The following FLT4 variants were observed in gnomAD, a reference collection of about 807,000 sequenced individuals.
FLT4 encodes the protein fms related receptor tyrosine kinase 4, also known as vascular endothelial growth factor receptor 3.
A neutral mutation model predicts 163.2 loss-of-function variants in FLT4; 30 were observed. The ratio of observed to expected loss-of-function variants is 0.18; its 90% CI spans 0.14 to 0.25. The LOEUF (loss-of-function observed/expected upper bound fraction) is 0.25, where lower values mean the gene tolerates loss of function less well. Ranked by LOEUF, FLT4 falls within the 10% of genes least tolerant of loss-of-function variation. The probability of loss-of-function intolerance (pLI) is 1.00; values close to 1 mark genes in which losing one functional copy is unlikely to be tolerated. For synonymous variants in FLT4, 884 were observed against 789.5 expected (o/e 1.12, Z -2.01); for missense variants, 1,510 against 1,863.8 (o/e 0.81, Z 3.50).
At chr5:180,608,174 G>GTAGA (rs1409660220) in intron 29 of FLT4, 1 of 700,082 alleles carries the variant, frequency 1.4e-6, no homozygotes, top group South Asian at 1.5e-5. Context: ...GAAGTTTGTA[G>GTAGA]TAGATAGCAG....
Position 180,622,843 on chromosome 5 carries a change from G to T in FLT4, c.1549-4C>A. 6.3e-7 allele frequency: 1 copy of T among 1,597,524 alleles called. No homozygotes were observed. Among genetic ancestry groups the T allele is most frequent in the Non-Finnish European group, 8.6e-7 (1 of 1,165,542 alleles). ...GGATCACCAGCTTGCTCACAGTCTGGGAGAGCACAGGCACAAGGATCCATT... is the reference window on the plus strand; with the variant it reads ...GGATCACCAGCTTGCTCACAGTCTGTGAGAGCACAGGCACAAGGATCCATT... On this transcript the variant is annotated splice_polypyrimidine_tract_variant and splice_region_variant and intron_variant, in intron 11 of 29. Transcript: ENST00000261937.
At chr5:180,626,973 T>C (rs952099935) in intron 8 of FLT4, among the ~76,000 whole-genome samples, 5 of 152,174 alleles carry the variant, frequency 3.3e-5, no homozygotes, top group African/African-American at 1.2e-4. Flanking sequence ...GCTGTGTCTG[T>C]TTGCCCATCG....
rs199942873 is a variant in FLT4, at chr5:180,629,291, C to T, written c.953G>A (p.Arg318Gln). The T allele has an allele frequency of 5.0e-6, 8 of 1,613,266 alleles. No individual in the cohort carries two copies. The highest frequency in any genetic ancestry group is 4.5e-5 in the East Asian group (2 of 44,882). The change falls in exon 7 of 30, where the codon CGA (arginine) becomes CAA (glutamine). Residue 318 changes from arginine to glutamine, a missense_variant. Transcript: ENST00000261937. ...AATGACCTCGGTGCTCTCCCGAAAT[C>T]GCTGGATGCCGTTGTTGGCCTTGCA... ...YVCKANNGIQRFRESTEVIVH... is the reference protein window; with the variant it reads ...YVCKANNGIQQFRESTEVIVH...
intron 1 of FLT4, among the ~76,000 whole-genome samples, chr5:180,632,096 C>T (rs918000438): frequency 6.6e-5 from 10 of 152,266 alleles, no homozygotes; most frequent in South Asian, 2.1e-4. Flanking sequence ...CATGAAGGAG[C>T]GGGGGAGGGG....
intron 23 of FLT4, among the ~76,000 whole-genome samples, chr5:180,615,576 T>TGCCCCAAGATGCCTAAGGTGGGGGGTGG (rs1762608623): frequency 1.5e-4 from 13 of 86,640 alleles, no homozygotes; most frequent in East Asian, 7.7e-4. Flanking sequence ...TCCACTTCCT[T>TGCCCCAAGATGCCTAAGGTGGGGGGTGG]TCGGAGCACT....
chr5:180,612,971 T>A, intron 25 of FLT4, 40 bp downstream of exon 25: 3 of 1,523,252 alleles, frequency 2.0e-6, no homozygotes, highest in Non-Finnish European at 2.7e-6. Flanking sequence ...CCCCCGACGC[T>A]TGCTGTCCCC....
chr5:180,606,417 C>T (rs575191151), intron 29 of FLT4, among the ~76,000 whole-genome samples: 27 of 152,284 alleles, frequency 1.8e-4, no homozygotes, highest in African/African-American at 5.8e-4. Context: ...CCAAGGACCT[C>T]GTCACACTCT....
chr5:180,616,692 G>A (rs1311980640), intron 22 of FLT4, among the ~76,000 whole-genome samples: 1 of 152,212 alleles, frequency 6.6e-6, no homozygotes, highest in Non-Finnish European at 1.5e-5. Context: ...AGAGAAAGTT[G>A]TGGAGTCAAA....
At chr5:180,622,952 T>C (rs1236614837) in intron 11 of FLT4, 113 bp from the exon 12 acceptor site, 8 of 756,644 alleles carry the variant, frequency 1.1e-5, no homozygotes, top group South Asian at 2.9e-5. Context: ...TGGGGGAAAC[T>C]GAGGCTTTGG....
chr5:180,612,642 T>C (rs1373291038), intron 25 of FLT4, 31 bp from the exon 26 acceptor site: 1 of 1,523,986 alleles, frequency 6.6e-7, no homozygotes, highest in Non-Finnish European at 9.1e-7. Flanking sequence ...CTGGACTGCA[T>C]GCACCCCACC....
intron 8 of FLT4, among the ~76,000 whole-genome samples, chr5:180,628,254 T>G (rs1215252302): frequency 6.6e-6 from 1 of 152,046 alleles, no homozygotes; most frequent in Non-Finnish European, 1.5e-5. Flanking sequence ...CCTGAGGACG[T>G]GTTTGTGAGG....
In FLT4 at chr5:180,629,810, C is replaced by T. The variant is rs1763943107; in HGVS notation, c.702G>A (p.Leu234=). ...GCAGCTCCAGCGACTTCCTGGGCAA[C>T]AGCTGGATGTCATAGAGCTCGTTGC... The part of the protein sequence containing the change: ...ITGNELYDIQ[L]LPRKSLELLV... The change falls in exon 6 of 30, where the codon CTG becomes CTA. Residue 234 remains leucine (L), a synonymous_variant. Coordinates refer to ENST00000261937, the MANE Select transcript of FLT4 (RefSeq NM_182925.5). The T allele has an allele frequency of 1.9e-6, 3 of 1,612,494 alleles. No homozygotes were observed. The highest frequency in any genetic ancestry group is 2.2e-5 in the South Asian group (2 of 90,996).
intron 29 of FLT4, among the ~76,000 whole-genome samples, chr5:180,604,973 T>C (rs931351954): frequency 1.3e-5 from 2 of 152,184 alleles, no homozygotes; most frequent in Non-Finnish European, 2.9e-5. Context: ...CGGGTTTTTT[T>C]CCCCCAAAAT....
In FLT4 at chr5:180,620,305, C is replaced by T. The variant is rs201830193; in HGVS notation, c.2410G>A (p.Ala804Thr). The change falls in exon 17 of 30, where the codon GCC becomes ACC. Residue 804 changes from alanine (A) to threonine (T), a missense_variant. This residue lies in a region of FLT4 where 878 missense variants were observed against 1,016.7 expected (regional missense o/e 0.86). Coordinates refer to ENST00000261937, the MANE Select transcript of FLT4 (RefSeq NM_182925.5). This position sits in a 1 kb window ranked among gnomAD's most constrained non-coding sequence, Gnocchi z 4.4. ...LLIFCNMRRP[A>T]HADIKTGYLS... ...TAGCCCGTCTTGATGTCTGCGTGGG[C>T]CGGCTGCGGGGAGGGGACAGGGAGG... is the stretch of plus-strand genomic sequence containing the variant. 31 of 1,611,330 alleles carry T rather than the reference C, an allele frequency of 1.9e-5. No homozygotes were observed. The East Asian group carries it at 6.5e-4, about 34-fold the overall frequency.
At chr5:180,648,107 A>T (rs1191814019) in intron 1 of FLT4, among the ~76,000 whole-genome samples, 1 of 152,124 alleles carries the variant, frequency 6.6e-6, no homozygotes, top group East Asian at 1.9e-4. Context: ...CCCATTCTAC[A>T]GCCCTGCAGT....
chr5:180,621,370 C>T (rs1763128082), intron 13 of FLT4, 118 bp from the exon 14 acceptor site: 2 of 1,411,578 alleles, frequency 1.4e-6, no homozygotes, highest in Admixed American at 2.4e-5. Flanking sequence ...GGTTGTGCGC[C>T]GGGCAGGAGC....
In FLT4 at chr5:180,610,042, G is replaced by C. The variant is rs555429852; in HGVS notation, c.3687-17C>G. 11 of 1,613,860 alleles carry C rather than the reference G, an allele frequency of 6.8e-6. No individual in the cohort carries two copies. In the African/African-American group the frequency reaches 1.5e-4, roughly 22 times the overall value. On this transcript the variant is annotated splice_polypyrimidine_tract_variant and intron_variant, in intron 27 of 29. Transcript: ENST00000261937. Reference sequence around the variant, plus strand: ...TTGTAATACCTGTGGGGAGAAATCAGAAGGTGCTGAGGAACGCGCTGCAGC... The same window carrying C: ...TTGTAATACCTGTGGGGAGAAATCACAAGGTGCTGAGGAACGCGCTGCAGC...
intron 29 of FLT4, among the ~76,000 whole-genome samples, chr5:180,607,073 G>A (rs552000515): frequency 1.3e-5 from 2 of 151,934 alleles, no homozygotes; most frequent in Non-Finnish European, 2.9e-5. Flanking sequence ...GTGAGACTCT[G>A]TCTCAAAAAA....
At chr5:180,628,815 T>G in intron 8 of FLT4, 67 bp downstream of exon 8, 1 of 1,127,504 alleles carries the variant, frequency 8.9e-7, no homozygotes, top group South Asian at 1.3e-5. Flanking sequence ...CGTCTTCCCC[T>G]ATGGTCTGTT....
Sources: allele counts gnomAD v4.1 joint callset (sites outside exome capture counted in the v4.1 genomes callset), GRCh38; gene constraint gnomAD v4.1.1; regional missense constraint gnomAD v4.1.1; non-coding constraint Gnocchi (gnomAD v3.1); transcripts MANE v1.5; gene names NCBI Gene and HGNC (gene_info 2026-07-23, HGNC 2026-07-21).